Variants in CAMK4 observed in about 807,000 individuals in gnomAD.
CAMK4 encodes the protein calcium/calmodulin dependent protein kinase IV, also known as calcium/calmodulin-dependent protein kinase type IV.
CAMK4 carries 22 observed loss-of-function variants against 44.9 expected under a neutral mutation model. The ratio of observed to expected loss-of-function variants is 0.49; its 90% confidence interval spans 0.35 to 0.70. The LOEUF (loss-of-function observed/expected upper bound fraction) is 0.70. CAMK4 is among the 30% of genes least tolerant of loss of function. The pLI, the probability that CAMK4 is intolerant of heterozygous loss-of-function variation, is 0.01. For missense variants in CAMK4, 498 were observed against 586.8 expected (o/e 0.85, Z 1.56); for synonymous variants, 218 against 215.4 (o/e 1.01, Z -0.11).
intron 5 of CAMK4, among the ~76,000 whole-genome samples, chr5:111,435,652 C>G (rs1476220707): frequency 2.0e-5 from 3 of 152,190 alleles, no homozygotes; most frequent in African/African-American, 7.2e-5. Context: ...CCAATCTAAT[C>G]TCTTCTTTCC....
At chr5:111,335,965 A>C (rs1749384403) in intron 1 of CAMK4, among the ~76,000 whole-genome samples, 1 of 151,294 alleles carries the variant, frequency 6.6e-6, no homozygotes. Context: ...TAAATTTTTA[A>C]ATAAACAACT....
At chr5:111,432,704 T>C (rs557358703) in intron 5 of CAMK4, among the ~76,000 whole-genome samples, 1 of 149,118 alleles carries the variant, frequency 6.7e-6, no homozygotes, top group African/African-American at 2.5e-5. Context: ...TTAAGAAACA[T>C]TTATTAAGCA....
chr5:111,375,376 T>C (rs1478345128), intron 3 of CAMK4, among the ~76,000 whole-genome samples: 3 of 152,162 alleles, frequency 2.0e-5, no homozygotes, highest in Non-Finnish European at 2.9e-5. Flanking sequence ...GAAAATAAAA[T>C]GTCCTCAGAA....
At chr5:111,250,611 T>C (rs1749444196) in intron 1 of CAMK4, among the ~76,000 whole-genome samples, 1 of 152,198 alleles carries the variant, frequency 6.6e-6, no homozygotes, top group Admixed American at 6.5e-5. Context: ...CCCTGTAGTA[T>C]CCATTTTTCT....
chr5:111,397,570 A>G (rs1326593751), intron 5 of CAMK4, among the ~76,000 whole-genome samples: 1 of 152,190 alleles, frequency 6.6e-6, no homozygotes, highest in East Asian at 1.9e-4. Flanking sequence ...TTACACCAAT[A>G]GAAAGTTTAA....
intron 5 of CAMK4, among the ~76,000 whole-genome samples, chr5:111,423,338 G>C (rs542530672): frequency 6.6e-6 from 1 of 152,314 alleles, no homozygotes; most frequent in East Asian, 1.9e-4. Context: ...AACTTGACAT[G>C]ATAGATACAG....
At chr5:111,412,748 C>G (rs1752674530) in intron 5 of CAMK4, among the ~76,000 whole-genome samples, 1 of 152,160 alleles carries the variant, frequency 6.6e-6, no homozygotes, top group Admixed American at 6.5e-5. Flanking sequence ...AAGCTGCTTT[C>G]CATAAGACAC....
rs1755641189 is a variant in CAMK4, at chr5:111,486,653, A to T, written c.*2187A>T. On this transcript the variant is annotated 3_prime_UTR_variant, in exon 11 of 11. Coordinates refer to ENST00000282356, the MANE Select transcript of CAMK4 (RefSeq NM_001744.6). ...TCCCTGCCCACCCCCATATTGTTCC[A>T]AGGGCAGTTGTTACATTATTTCAAC... is the stretch of plus-strand genomic sequence containing the variant. 6.6e-6 allele frequency: 1 copy of T among 152,124 alleles called. No homozygotes were observed. Among genetic ancestry groups the T allele is most frequent in the African/African-American group, 2.4e-5 (1 of 41,422 alleles). The allele number at this position is 152,124 out of a possible 1,614,324, so 9.4% of individuals were successfully genotyped here.
intron 7 of CAMK4, among the ~76,000 whole-genome samples, chr5:111,466,390 G>A (rs1019501499): frequency 2.0e-5 from 3 of 152,070 alleles, no homozygotes; most frequent in East Asian, 1.9e-4. Flanking sequence ...TATCCAAATC[G>A]GTAATGAGGA....
At chr5:111,344,889 T>C (rs1160371179) in intron 2 of CAMK4, among the ~76,000 whole-genome samples, 1 of 151,904 alleles carries the variant, frequency 6.6e-6, no homozygotes, top group Non-Finnish European at 1.5e-5. Flanking sequence ...TGTGTTCTTA[T>C]GCAGTTTCTA....
At chr5:111,242,577 C>T (rs1749051410) in intron 1 of CAMK4, among the ~76,000 whole-genome samples, 1 of 152,080 alleles carries the variant, frequency 6.6e-6, no homozygotes, top group Non-Finnish European at 1.5e-5. Context: ...CTTTCTAAGG[C>T]CAAGTTTGAT....
chr5:111,282,435 T>G (rs1751062337), intron 1 of CAMK4, among the ~76,000 whole-genome samples: 1 of 152,210 alleles, frequency 6.6e-6, no homozygotes, highest in Admixed American at 6.5e-5. Flanking sequence ...TGAAAAAATA[T>G]CAGTACTGTA....
chr5:111,423,118 C>T (rs1194552206), intron 5 of CAMK4, among the ~76,000 whole-genome samples: 1 of 152,174 alleles, frequency 6.6e-6, no homozygotes, highest in Non-Finnish European at 1.5e-5. Flanking sequence ...TATTTTAGAA[C>T]TGGCCTTATA....
intron 1 of CAMK4, among the ~76,000 whole-genome samples, chr5:111,279,252 G>A (rs564640344): frequency 6.6e-6 from 1 of 152,170 alleles, no homozygotes; most frequent in African/African-American, 2.4e-5. Context: ...GTGAGGCCAG[G>A]CCAAAGTTCA....
rs1163707972 is a variant in CAMK4 at position 111,492,177 on chromosome 5, C to T, written c.*7711C>T. 6.6e-6 allele frequency: 1 copy of T among 151,982 alleles called. No homozygotes were observed. Among genetic ancestry groups the T allele is most frequent in the Non-Finnish European group, 1.5e-5 (1 of 67,956 alleles). 9.4% of individuals were successfully genotyped at this position (151,982 alleles called of 1,614,324 possible). A position where few individuals can be genotyped will look rare whatever the true frequency, so the allele number is the denominator to read the frequency against. ...ACCGAGATATGGAGAAAAACATAGG[C>T]ATTCATGACCTTTGTGTTTCCGTTT... On this transcript the variant is annotated 3_prime_UTR_variant, in exon 11 of 11. Coordinates refer to ENST00000282356, the MANE Select transcript of CAMK4 (RefSeq NM_001744.6).
chr5:111,412,654 A>G (rs1047575614), intron 5 of CAMK4, among the ~76,000 whole-genome samples: 1 of 152,224 alleles, frequency 6.6e-6, no homozygotes, highest in Non-Finnish European at 1.5e-5. Context: ...ATATATAAGT[A>G]AGGTAGAAGG....
Position 111,308,146 on chromosome 5 carries a change from T to A in CAMK4, c.162-35878T>A, listed in dbSNP as rs1366422507. Among the ~76,000 whole-genome samples, 4 of 131,950 alleles carry A rather than the reference T, an allele frequency of 3.0e-5. No homozygotes were observed. The East Asian group carries it at 9.0e-4, about 30-fold the overall frequency. 86.6% of individuals were successfully genotyped at this position (131,950 alleles called of 152,430 possible). A position where few individuals can be genotyped will look rare whatever the true frequency, so the allele number is the denominator to read the frequency against. ...GGATAGCATTGGGAGATATACCTAA[T>A]GCTAGATGACACGTTAGTGGGTGCA... On this transcript the variant is annotated intron_variant, in intron 1 of 10. Transcript: ENST00000282356.
intron 3 of CAMK4, among the ~76,000 whole-genome samples, chr5:111,376,056 T>G (rs1288878934): frequency 6.6e-6 from 1 of 152,014 alleles, no homozygotes; most frequent in Non-Finnish European, 1.5e-5. Flanking sequence ...GATCCACAAT[T>G]TGGGGCTAGA....
chr5:111,300,178 T>C (rs1409425321), intron 1 of CAMK4, among the ~76,000 whole-genome samples: 5 of 152,308 alleles, frequency 3.3e-5, no homozygotes, highest in Non-Finnish European at 5.9e-5. Context: ...ATAAAACAAT[T>C]GTATACTAAT....
Sources: gnomAD v4.1 joint callset for allele counts (sites outside exome capture counted in the v4.1 genomes callset) on GRCh38, gnomAD v4.1.1 for gene constraint, MANE v1.5 for transcripts, NCBI Gene and HGNC (gene_info 2026-07-23, HGNC 2026-07-21) for gene names.